Variants in DMBT1 observed in about 807,000 individuals in gnomAD.
The protein encoded by DMBT1 is deleted in malignant brain tumors 1.
Under a neutral mutation model 252.9 loss-of-function variants are expected in DMBT1, and 198 were observed. That is an observed-to-expected ratio of 0.78 (90% CI 0.70 to 0.88). The LOEUF is 0.88. DMBT1 is among the 40% of genes least tolerant of loss of function. The pLI, the probability that DMBT1 is intolerant of heterozygous loss-of-function variation, is 0.00. For missense variants in DMBT1, 2,432 were observed against 2,404.7 expected (o/e 1.01, Z -0.24); for synonymous variants, 990 against 942.7 (o/e 1.05, Z -0.92).
intron 10 of DMBT1, among the ~76,000 whole-genome samples, chr10:122,580,447 TG>T (rs2097758273): frequency 6.6e-6 from 1 of 152,194 alleles, no homozygotes; most frequent in Admixed American, 6.5e-5. Flanking sequence ...GAGCATTGCC[TG>T]TGTTCTAGGT....
intron 16 of DMBT1, among the ~76,000 whole-genome samples, chr10:122,588,357 C>T (rs1357357622): frequency 6.8e-6 from 1 of 147,320 alleles, no homozygotes; most frequent in Non-Finnish European, 1.5e-5. Context: ...GGCTGGTGAC[C>T]TGTCTCCCTT....
At chr10:122,591,349 A>C in intron 18 of DMBT1, 130 bp from the exon 19 acceptor site, 1 of 1,088,314 alleles carries the variant, frequency 9.2e-7, no homozygotes, top group Non-Finnish European at 1.4e-6. Flanking sequence ...GGGCAGACAC[A>C]TGGGGAGCAA....
At chr10:122,572,602 T>C (rs992274081) in intron 5 of DMBT1, among the ~76,000 whole-genome samples, 4 of 152,204 alleles carry the variant, frequency 2.6e-5, no homozygotes, top group Non-Finnish European at 4.4e-5. Flanking sequence ...AAGTGATGTC[T>C]TCATTGATGT....
chr10:122,580,498 A>G (rs1444149021), intron 10 of DMBT1, among the ~76,000 whole-genome samples: 2 of 152,222 alleles, frequency 1.3e-5, no homozygotes, highest in East Asian at 1.9e-4. Context: ...CCAGCCAGAC[A>G]TGGCCTTGTC....
At chr10:122,598,600 G>T (rs1314118121) in intron 25 of DMBT1, among the ~76,000 whole-genome samples, 174 bp from the exon 26 acceptor site, 1 of 152,136 alleles carries the variant, frequency 6.6e-6, no homozygotes, top group East Asian at 1.9e-4. Flanking sequence ...GCAGAATAGG[G>T]TGTCACTGCT....
rs1217549153 is a variant in DMBT1 at position 122,591,529 on chromosome 10, T to G, written c.2176+12T>G. ...TCCATCGACAGTAGGTAAATAATCC[T>G]CTCACCCCTCCCTAGGGCTCACTCT... On this transcript the variant is annotated intron_variant, in intron 19 of 55. Transcript: ENST00000338354. 1 of 1,582,264 alleles carries G rather than the reference T, an allele frequency of 6.3e-7. No homozygotes were observed. Among genetic ancestry groups the G allele is most frequent in the African/African-American group, 1.3e-5 (1 of 74,516 alleles).
In DMBT1 at chr10:122,640,095, G is replaced by T; in HGVS notation, c.6998G>T (p.Gly2333Val). 6.2e-7 allele frequency: 1 copy of T among 1,614,024 alleles called. No homozygotes were observed. The highest frequency in any genetic ancestry group is 8.5e-7 in the Non-Finnish European group (1 of 1,179,900). Residue 2333 changes from glycine to valine, a missense_variant, in exon 55 of 56, where the codon GGC becomes GTC. By Grantham distance (109) the Gly-to-Val change is moderately radical. Around this residue, in one of 3 missense-constraint regions of DMBT1, gnomAD observed 1,162 missense variants for 1,169.0 expected, o/e 0.99. Transcript: ENST00000338354. ...TTCCTCACAGCAGCTGTCTCAGGTG[G>T]CATCATCAAGAGGAGGACAGACCTC... ...SNFLTAAVSG[G>V]IIKRRTDLRI...
rs2098108249 is a variant in DMBT1 at position 122,625,132 on chromosome 10, T to C, written c.5609-145T>C. On this transcript the variant is annotated intron_variant, in intron 44 of 55. Transcript: ENST00000338354. ...AACATCTTTTTTTGAGACTAACCGT[T>C]AAGGTTTATATCTACTATTCCACTC... 5 of 764,714 alleles carry C rather than the reference T, an allele frequency of 6.5e-6. No individual in the cohort carries two copies. In the East Asian group the frequency reaches 1.3e-4, roughly 21 times the overall value. The allele number at this position is 764,714 out of a possible 1,614,324, so 47.4% of individuals were successfully genotyped here.
intron 45 of DMBT1, among the ~76,000 whole-genome samples, chr10:122,625,577 A>G (rs1262386668): frequency 6.6e-6 from 1 of 152,248 alleles, no homozygotes; most frequent in Non-Finnish European, 1.5e-5. Context: ...TGGTCCTCCC[A>G]TTATTTCAGA....
intron 25 of DMBT1, 111 bp from the exon 26 acceptor site, chr10:122,598,663 C>T: frequency 6.4e-7 from 1 of 1,571,490 alleles, no homozygotes; most frequent in Non-Finnish European, 8.6e-7. Context: ...TCAAAGGTGA[C>T]TGCCTGCCCA....
rs943938844 is a variant in DMBT1 at position 122,618,091 on chromosome 10, C to T, written c.4966C>T (p.Gln1656Ter). The T allele has an allele frequency of 2.2e-5, 35 of 1,613,700 alleles. No individual in the cohort carries two copies. The highest frequency in any genetic ancestry group is 2.4e-5 in the Non-Finnish European group (28 of 1,179,858). Residue 1656 changes from glutamine to a stop codon, truncating the protein, a stop_gained, in exon 41 of 56, where the codon CAA becomes TAA. Coordinates refer to ENST00000338354, the MANE Select transcript of DMBT1 (RefSeq NM_001377530.1). LOFTEE classifies it high-confidence loss of function. ...RCRGRVEVLY[Q>*]GSWGTVCDDY... ...TCGAGGCCGAGTGGAGGTCCTATAC[C>T]AAGGCTCCTGGGGCACCGTGTGTGA...
intron 24 of DMBT1, 46 bp from the exon 25 acceptor site, chr10:122,597,928 T>C (rs1304422149): frequency 6.2e-7 from 1 of 1,613,714 alleles, no homozygotes; most frequent in East Asian, 2.2e-5. Flanking sequence ...TTGGAGATTT[T>C]CACCATCAAC....
In DMBT1 at chr10:122,570,871, T is replaced by C. The variant is rs761004112; in HGVS notation, c.140-19T>C. 5 of 1,612,434 alleles carry C rather than the reference T, an allele frequency of 3.1e-6. No individual in the cohort carries two copies. The highest frequency in any genetic ancestry group is 3.3e-5 in the Admixed American group (2 of 59,998). ...ACAAGGGCTACCATCAATGAGCTCT[T>C]CCTTTCTCCACCCTGCAGGTTCTCC... On this transcript the variant is annotated intron_variant, in intron 3 of 55. Transcript: ENST00000338354.
intron 1 of DMBT1, among the ~76,000 whole-genome samples, chr10:122,562,516 C>G (rs1206843229): frequency 6.6e-6 from 1 of 152,218 alleles, no homozygotes; most frequent in East Asian, 1.9e-4. Flanking sequence ...TCAGAAGCAT[C>G]TGAAACTGGG....
At chr10:122,629,739 A>G in intron 46 of DMBT1, 101 bp from the exon 47 acceptor site, 4 of 1,377,446 alleles carry the variant, frequency 2.9e-6, no homozygotes, top group Non-Finnish European at 4.0e-6. Flanking sequence ...CTTGTTATAA[A>G]GTGCAGAAGA....
intron 46 of DMBT1, among the ~76,000 whole-genome samples, chr10:122,629,299 G>A (rs559656893): frequency 9.8e-5 from 15 of 152,350 alleles, no homozygotes; most frequent in Admixed American, 9.1e-4. Flanking sequence ...GAGAGGTTAA[G>A]TAACTGGCTC....
rs996492130 is a variant in DMBT1 at position 122,643,517 on chromosome 10, G to C, written c.*119G>C. 1 of 1,362,000 alleles carries C rather than the reference G, an allele frequency of 7.3e-7. No individual in the cohort carries two copies. The highest frequency in any genetic ancestry group is 1.4e-5 in the South Asian group (1 of 69,234). 84.4% of individuals were successfully genotyped at this position (1,362,000 alleles called of 1,614,324 possible). Reference sequence around the variant, plus strand: ...TGAGCCCTACATTGTGCTGCACCTGGTCATACGGAGTTGAATCAGACCTGG... The same window carrying C: ...TGAGCCCTACATTGTGCTGCACCTGCTCATACGGAGTTGAATCAGACCTGG... On this transcript the variant is annotated 3_prime_UTR_variant, in exon 56 of 56. Coordinates refer to ENST00000338354, the MANE Select transcript of DMBT1 (RefSeq NM_001377530.1).
At chr10:122,632,490 A>G (rs1274066560) in intron 50 of DMBT1, among the ~76,000 whole-genome samples, 1 of 151,914 alleles carries the variant, frequency 6.6e-6, no homozygotes, top group Admixed American at 6.6e-5. Flanking sequence ...ATCTACACGG[A>G]GGTTCCCAAA....
At chr10:122,599,392 G>C in intron 26 of DMBT1, among the ~76,000 whole-genome samples, 1 of 152,188 alleles carries the variant, frequency 6.6e-6, no homozygotes, top group Non-Finnish European at 1.5e-5. Context: ...CTCCCCTGCT[G>C]AGTAGCACGG....
Sources: allele counts gnomAD v4.1 joint callset (sites outside exome capture counted in the v4.1 genomes callset), GRCh38; gene constraint gnomAD v4.1.1; regional missense constraint gnomAD v4.1.1; transcripts MANE v1.5; gene names NCBI Gene and HGNC (gene_info 2026-07-23, HGNC 2026-07-21).